REC8: variants seen among roughly 807,000 people sequenced by gnomAD.
REC8 encodes the protein meiotic recombination protein REC8 homolog.
A neutral mutation model predicts 78.3 loss-of-function variants in REC8; 42 were observed. The observed-to-expected ratio is 0.54, with a 90% confidence interval of 0.42 to 0.69. The LOEUF (loss-of-function observed/expected upper bound fraction) is 0.69, where lower values mean the gene tolerates loss of function less well. Among genes scored for constraint, REC8 ranks in the 30% least tolerant of loss-of-function variants. REC8 has a pLI of 0.00. For synonymous variants in REC8, 268 were observed against 274.1 expected (o/e 0.98, Z 0.22); for missense variants, 581 against 715.8 (o/e 0.81, Z 2.15).
chr14:24,180,150 G>A lies in REC8; in HGVS notation c.*55G>A, dbSNP rs779514559. The A allele has an allele frequency of 4.3e-6, 7 of 1,613,900 alleles. No individual in the cohort carries two copies. The highest frequency in any genetic ancestry group is 3.3e-5 in the Admixed American group (2 of 60,002). The stretch of plus-strand genomic sequence containing the variant: ...AAACCGGCCACTTCTAGTAAACCAC[G>A]TCGTGCCTCACTGGGTCCTGCTTAC... On this transcript the variant is annotated 3_prime_UTR_variant, in exon 19 of 19. Coordinates refer to ENST00000611366, the MANE Select transcript of REC8 (RefSeq NM_001048205.2).
chr14:24,175,686 G>T (rs2038862521), intron 6 of REC8, 62 bp downstream of exon 6: 2 of 1,333,738 alleles, frequency 1.5e-6, no homozygotes, highest in South Asian at 2.4e-5. Context: ...CTGTAGAAAT[G>T]ACCATTTTTG....
chr14:24,180,112 C>T lies in REC8; in HGVS notation c.*17C>T, dbSNP rs1431768652. 6.2e-7 allele frequency: 1 copy of T among 1,614,090 alleles called. No individual in the cohort carries two copies. The highest frequency in any genetic ancestry group is 1.1e-5 in the South Asian group (1 of 91,082). On this transcript the variant is annotated 3_prime_UTR_variant, in exon 19 of 19. Transcript: ENST00000611366. The stretch of plus-strand genomic sequence containing the variant: ...TTCCACTGAGGTTAGAGTCCATTTA[C>T]AAAGCTGCCAGGAAACCGGCCACTT...
Position 24,177,499 on chromosome 14 carries a change from G to A in REC8, c.772G>A (p.Glu258Lys), listed in dbSNP as rs2038953331. The A allele has an allele frequency of 6.2e-7, 1 of 1,613,972 alleles. No individual in the cohort carries two copies. The highest frequency in any genetic ancestry group is 1.7e-5 in the Admixed American group (1 of 60,000). Residue 258 changes from glutamate (E) to lysine (K), a missense_variant, in exon 10 of 19, where the codon GAG becomes AAG. Transcript: ENST00000611366. ...AATAGGAGAGGCACTGGGTCCTGAG[G>A]AGCTGAGGCTGACAGGCTGGGAACC... Reference protein sequence around the residue: ...EGIGEALGPEELRLTGWEPGA... With the variant: ...EGIGEALGPEKLRLTGWEPGA...
intron 13 of REC8, 46 bp from the exon 14 acceptor site, chr14:24,178,731 G>T: frequency 6.2e-7 from 1 of 1,612,522 alleles, no homozygotes; most frequent in South Asian, 1.1e-5. Flanking sequence ...CATTCCTGGT[G>T]CTCCTCACGC....
In REC8 at chr14:24,178,682, G is replaced by C. The variant is rs749306787; in HGVS notation, c.1063+10G>C. 2 of 1,614,032 alleles carry C rather than the reference G, an allele frequency of 1.2e-6. No homozygotes were observed. Among genetic ancestry groups the C allele is most frequent in the Non-Finnish European group, 1.7e-6 (2 of 1,179,974 alleles). On this transcript the variant is annotated intron_variant, in intron 13 of 18. Coordinates refer to ENST00000611366, the MANE Select transcript of REC8 (RefSeq NM_001048205.2). ...AGAACCCCAACTCTCTGTAAGAATG[G>C]TGGGGGTTGGGCACGAAGTATCCTC...
In REC8 at chr14:24,174,227, AC is replaced by A. The variant is rs1259064311; in HGVS notation, c.462+819del. Among the ~76,000 whole-genome samples the A allele has an allele frequency of 3.3e-5, 5 of 151,864 alleles. No homozygotes were observed. In the East Asian group the frequency reaches 9.7e-4, roughly 29 times the overall value. ...TCGAACTCCAGACCTCAGGTGATCC[AC>A]CCACCCTGGCTTTCCAAAGTGCTAG... is the stretch of plus-strand genomic sequence containing the variant. On this transcript the variant is annotated intron_variant, in intron 5 of 18. Transcript: ENST00000611366.
rs752120302 is a variant in REC8, at chr14:24,179,643, G to A, written c.1368G>A (p.Val456=). 8.7e-6 allele frequency: 14 copies of A among 1,614,110 alleles called. No individual in the cohort carries two copies. The highest frequency in any genetic ancestry group is 6.7e-5 in the East Asian group (3 of 44,900). ...CAGAAGCTCCTGCATTGCCCGTGGT[G>A]CCTGAACTCCCTGAGGTGCCCATGG... is the stretch of plus-strand genomic sequence containing the variant. ...EAPEAPALPV[V]PELPEVPMEM... The change falls in exon 17 of 19, where the codon GTG becomes GTA. Residue 456 remains valine (V), a synonymous_variant. Coordinates refer to ENST00000611366, the MANE Select transcript of REC8 (RefSeq NM_001048205.2).
At chr14:24,175,786 G>A (rs541690606) in intron 6 of REC8, among the ~76,000 whole-genome samples, 162 bp downstream of exon 6, 1 of 149,928 alleles carries the variant, frequency 6.7e-6, no homozygotes, top group Non-Finnish European at 1.5e-5. Context: ...GCAGTGGCAC[G>A]ATCTCGGCTC....
rs775450894 is a variant in REC8, at chr14:24,179,460, G to C, written c.1316G>C (p.Arg439Pro). ...ATCAGCCTCATCCCACCAGAAGAAC[G>C]GTGGTAAGCGGCCAGGCTCCGTGGG... ...SRISLIPPEE[R>P]WAWPEVEAPE... The change falls in exon 16 of 19, where the codon CGG (arginine) becomes CCG (proline). Residue 439 changes from arginine to proline, a missense_variant. Arg to Pro is a moderately radical substitution (Grantham distance 103, BLOSUM62 -2). Coordinates refer to ENST00000611366, the MANE Select transcript of REC8 (RefSeq NM_001048205.2). The C allele has an allele frequency of 6.2e-7, 1 of 1,614,018 alleles. No individual in the cohort carries two copies. The highest frequency in any genetic ancestry group is 1.1e-5 in the South Asian group (1 of 91,094).
chr14:24,173,281 T>C lies in REC8; in HGVS notation c.342-10T>C. On this transcript the variant is annotated splice_polypyrimidine_tract_variant and intron_variant, in intron 4 of 18. Transcript: ENST00000611366. ...AGCCTCAGTCCTTCACGGCCTACAT[T>C]CTCTCCCAGACCCAGCCTGCTGCTT... is the stretch of plus-strand genomic sequence containing the variant. The C allele has an allele frequency of 2.5e-6, 4 of 1,614,154 alleles. No homozygotes were observed. The highest frequency in any genetic ancestry group is 3.4e-6 in the Non-Finnish European group (4 of 1,179,984).
chr14:24,178,468 T>C, intron 12 of REC8, 138 bp from the exon 13 acceptor site: 1 of 940,228 alleles, frequency 1.1e-6, no homozygotes, highest in East Asian at 2.6e-5. Flanking sequence ...CTTTTAGCAA[T>C]GAGCAGGGCA....
Position 24,175,550 on chromosome 14 carries a change from A to G in REC8, c.470A>G (p.His157Arg). Residue 157 changes from histidine to arginine, a missense_variant, in exon 6 of 19, where the codon CAC becomes CGC. Coordinates refer to ENST00000611366, the MANE Select transcript of REC8 (RefSeq NM_001048205.2). ...PSPFDIPQIR[H>R]LLEAAIPERV... ...TCCAATCCCTCTCCAAAGATTCGAC[A>G]CCTCTTAGAGGCTGCAATCCCAGAG... is the stretch of plus-strand genomic sequence containing the variant. 1.2e-6 allele frequency: 2 copies of G among 1,613,536 alleles called. No homozygotes were observed. The highest frequency in any genetic ancestry group is 1.7e-6 in the Non-Finnish European group (2 of 1,179,562).
At chr14:24,180,514 G>C, downstream of REC8, 1 of 1,614,150 alleles carries the variant, frequency 6.2e-7, no homozygotes, top group Non-Finnish European at 8.5e-7. Flanking sequence ...CTGCTTGAAA[G>C]CTGTCGGTGT....
At chr14:24,180,628 C>T, downstream of REC8, 6 of 1,612,422 alleles carry the variant, frequency 3.7e-6, no homozygotes, top group South Asian at 5.5e-5. Flanking sequence ...CTGCCCCAGG[C>T]TCTCTGAGCC....
intron 5 of REC8, among the ~76,000 whole-genome samples, chr14:24,174,145 G>A (rs2038787178): frequency 6.6e-6 from 1 of 152,098 alleles, no homozygotes; most frequent in South Asian, 2.1e-4. Flanking sequence ...TTACAGACAT[G>A]AGCCACAGAG....
At chr14:24,173,843 A>C (rs538194965) in intron 5 of REC8, among the ~76,000 whole-genome samples, 19 of 151,994 alleles carry the variant, frequency 1.3e-4, no homozygotes, top group South Asian at 6.2e-4. Context: ...TGCCCCATTT[A>C]TTTCTTTTTT....
In REC8 at chr14:24,175,642, T is replaced by C. The variant is rs781669357; in HGVS notation, c.544+18T>C. On this transcript the variant is annotated intron_variant, in intron 6 of 18. Coordinates refer to ENST00000611366, the MANE Select transcript of REC8 (RefSeq NM_001048205.2). ...GGAGCCAGGTCAGCAGAGAGAACCT[T>C]CTTTCTGGTGAGAGGCATAGGCAGG... 6.3e-7 allele frequency: 1 copy of C among 1,598,682 alleles called. No homozygotes were observed. The highest frequency in any genetic ancestry group is 8.6e-7 in the Non-Finnish European group (1 of 1,166,354).
Position 24,173,388 on chromosome 14 carries a change from C to T in REC8, c.439C>T (p.Pro147Ser). ...GATGATGTCTGTGGATCCCAGACTT[C>T]CTAGTCCTTTCGATATCCCTCAGGT... ...FGMMSVDPRL[P>S]SPFDIPQIRH... The change falls in exon 5 of 19, where the codon CCT (proline) becomes TCT (serine). Residue 147 changes from proline (P) to serine (S), a missense_variant. Transcript: ENST00000611366. The T allele has an allele frequency of 4.3e-6, 7 of 1,614,144 alleles. No homozygotes were observed. Among genetic ancestry groups the T allele is most frequent in the Non-Finnish European group, 5.9e-6 (7 of 1,180,016 alleles).
rs1247814137 is a variant in REC8, at chr14:24,179,482, T to C, written c.1319+19T>C. 1 of 1,613,596 alleles carries C rather than the reference T, an allele frequency of 6.2e-7. No homozygotes were observed. On this transcript the variant is annotated intron_variant, in intron 16 of 18. Transcript: ENST00000611366. ...AACGGTGGTAAGCGGCCAGGCTCCG[T>C]GGGAGCCAGGGCCCACAGCCCTTGG...
Sources: allele counts gnomAD v4.1 joint callset (sites outside exome capture counted in the v4.1 genomes callset), GRCh38; gene constraint gnomAD v4.1.1; transcripts MANE v1.5; gene names NCBI Gene and HGNC (gene_info 2026-07-23, HGNC 2026-07-21).